The following DLG2 variants were observed in gnomAD, a reference collection of about 807,000 sequenced individuals.
DLG2 encodes discs large MAGUK scaffold protein 2.
Under a neutral mutation model 132.5 loss-of-function variants are expected in DLG2, and 45 were observed. That is an observed-to-expected ratio of 0.34 (90% CI 0.27 to 0.44). The LOEUF (loss-of-function observed/expected upper bound fraction) is 0.44. DLG2 is among the 20% of genes least tolerant of loss of function. The probability of loss-of-function intolerance (pLI) is 1.00; values close to 1 mark genes in which losing one functional copy is unlikely to be tolerated. For missense variants in DLG2, 1,045 were observed against 1,196.9 expected (o/e 0.87, Z 1.87); for synonymous variants, 424 against 419.6 (o/e 1.01, Z -0.13).
At position 84,185,474 on chromosome 11, in the gene DLG2, G is replaced by C. The variant is rs184710968; in HGVS notation, c.574-21963C>G. Among the ~76,000 whole-genome samples, 348 of 152,274 alleles carry C rather than the reference G, an allele frequency of 2.3e-3. 1 individual carries two copies. The East Asian group carries it at 0.028, about 12-fold the overall frequency. On this transcript the variant is annotated intron_variant, in intron 8 of 27. Transcript: ENST00000376104. ...TATCAGCTTAAGGAGATTTTGGGCT[G>C]AGACGACGGGGTTTTCTAGATATAC...
chr11:84,171,794 G>A (rs911062905), intron 8 of DLG2, among the ~76,000 whole-genome samples: 3 of 152,122 alleles, frequency 2.0e-5, no homozygotes, highest in African/African-American at 2.4e-5. Flanking sequence ...AATCAGTTGA[G>A]TGCTGAAAAA....
At chr11:84,964,670 T>C (rs922131380) in intron 6 of DLG2, among the ~76,000 whole-genome samples, 6 of 152,120 alleles carry the variant, frequency 3.9e-5, no homozygotes, top group Non-Finnish European at 1.5e-5. Flanking sequence ...GGCACTGATG[T>C]AAAAATATTC....
rs865902226 is a variant in DLG2, at chr11:83,874,587, G to T, written c.1497-99C>A. The T allele has an allele frequency of 2.4e-5, 21 of 875,242 alleles. No homozygotes were observed. The South Asian group carries it at 4.5e-4, about 19-fold the overall frequency. The allele number at this position is 875,242 out of a possible 1,614,324, so 54.2% of individuals were successfully genotyped here. A position where few individuals can be genotyped will look rare whatever the true frequency, so the allele number is the denominator to read the frequency against. ...GTTTTAGGGTACATGTGCACAACGT[G>T]CAGGTTAGTTACATATGTATACATG... On this transcript the variant is annotated intron_variant, in intron 15 of 27. Transcript: ENST00000376104.
At chr11:84,126,724 G>A (rs533878293) in intron 9 of DLG2, among the ~76,000 whole-genome samples, 1 of 152,244 alleles carries the variant, frequency 6.6e-6, no homozygotes, top group East Asian at 1.9e-4. Context: ...AACTGGCAAA[G>A]ATAAAAATTA....
At position 84,831,992 on chromosome 11, in the gene DLG2, C is replaced by G. The variant is rs79025029; in HGVS notation, c.357+279669G>C. 4.2e-3 allele frequency among the ~76,000 whole-genome samples: 637 copies of G among 151,696 alleles called. 4 individuals carry two copies. Among genetic ancestry groups the G allele is most frequent in the African/African-American group, 0.014 (601 of 41,476 alleles). ...CAGGTACTGTTCAAGTTCCTAAGAACTGCAGGAAATAAAAAGTATTGTGGC... is the reference window on the plus strand; with the variant it reads ...CAGGTACTGTTCAAGTTCCTAAGAAGTGCAGGAAATAAAAAGTATTGTGGC... On this transcript the variant is annotated intron_variant, in intron 6 of 27. Transcript: ENST00000376104.
intron 6 of DLG2, among the ~76,000 whole-genome samples, chr11:84,792,891 T>C (rs2074065806): frequency 6.6e-6 from 1 of 152,120 alleles, no homozygotes; most frequent in Non-Finnish European, 1.5e-5. Context: ...TCTTTTGCAT[T>C]GTTTTCTTTG....
intron 7 of DLG2, among the ~76,000 whole-genome samples, chr11:84,361,505 T>C (rs527858547): frequency 9.0e-4 from 137 of 152,088 alleles, no homozygotes; most frequent in Non-Finnish European, 1.2e-3. Context: ...GGACAAAATC[T>C]TATAATATTC....
chr11:85,007,816 C>T (rs2058824109), intron 6 of DLG2, among the ~76,000 whole-genome samples: 1 of 151,966 alleles, frequency 6.6e-6, no homozygotes, highest in East Asian at 1.9e-4. Context: ...GATTGTTAGA[C>T]CACCCTCTTT....
intron 4 of DLG2, among the ~76,000 whole-genome samples, chr11:85,236,476 T>C (rs1228747606): frequency 2.6e-5 from 4 of 152,008 alleles, no homozygotes. Context: ...TGGTGTATCT[T>C]CTTATAAGGA....
chr11:85,235,187 TAGCTGCAATTAATAATTCATTTCA>T (rs1358605031), intron 4 of DLG2, among the ~76,000 whole-genome samples: 1 of 151,914 alleles, frequency 6.6e-6, no homozygotes, highest in Non-Finnish European at 1.5e-5. Flanking sequence ...ATGAAGTCAT[TAGCTGCAATTAATAATTCATTTCA>T]AAAGTTTACA....
intron 7 of DLG2, among the ~76,000 whole-genome samples, chr11:84,522,903 G>C (rs2099308876): frequency 6.6e-6 from 1 of 152,128 alleles, no homozygotes; most frequent in Admixed American, 6.5e-5. Flanking sequence ...TCAAAAGAAA[G>C]CCATTTCTTT....
intron 18 of DLG2, among the ~76,000 whole-genome samples, chr11:83,668,311 C>G (rs2153566698): frequency 6.6e-6 from 1 of 152,284 alleles, no homozygotes; most frequent in African/African-American, 2.4e-5. Context: ...CCTCTCCAGG[C>G]TCATCTACCA....
intron 9 of DLG2, among the ~76,000 whole-genome samples, chr11:84,156,158 A>G (rs1384521467): frequency 6.6e-6 from 1 of 152,158 alleles, no homozygotes; most frequent in East Asian, 1.9e-4. Flanking sequence ...CTAGAGTATA[A>G]TTCCACAAAT....
chr11:84,530,120 T>G (rs1315067424), intron 7 of DLG2, among the ~76,000 whole-genome samples: 1 of 152,150 alleles, frequency 6.6e-6, no homozygotes, highest in African/African-American at 2.4e-5. Context: ...ACCCCTTCCT[T>G]ATACCACGTA....
chr11:84,496,888 T>G (rs2154500712), intron 7 of DLG2, among the ~76,000 whole-genome samples: 1 of 152,270 alleles, frequency 6.6e-6, no homozygotes, highest in South Asian at 2.1e-4. Flanking sequence ...AATTTTTGAA[T>G]GAAGGAATAT....
chr11:85,279,961 A>G (rs971044873), intron 4 of DLG2, among the ~76,000 whole-genome samples: 3 of 152,128 alleles, frequency 2.0e-5, no homozygotes, highest in Non-Finnish European at 4.4e-5. Context: ...AGATTTTCTT[A>G]TATTCACATA....
At chr11:84,714,420 G>T (rs912404479) in intron 6 of DLG2, among the ~76,000 whole-genome samples, 1 of 152,062 alleles carries the variant, frequency 6.6e-6, no homozygotes, top group Non-Finnish European at 1.5e-5. Flanking sequence ...GGTGGAGAAA[G>T]GCAGAAGGTT....
At chr11:84,060,043 TG>T (rs763502725) in intron 10 of DLG2, among the ~76,000 whole-genome samples, 5 of 152,276 alleles carry the variant, frequency 3.3e-5, no homozygotes, top group South Asian at 2.1e-4. Context: ...TTGGGCGCAG[TG>T]GCTCATGCCT....
intron 6 of DLG2, among the ~76,000 whole-genome samples, chr11:84,960,159 G>A (rs2052341801): frequency 1.3e-5 from 2 of 152,160 alleles, no homozygotes; most frequent in South Asian, 4.1e-4. Flanking sequence ...GCAAAGTGGG[G>A]ATTTGAACCT....
Sources: gnomAD v4.1 joint callset for allele counts (sites outside exome capture counted in the v4.1 genomes callset) on GRCh38, gnomAD v4.1.1 for gene constraint, MANE v1.5 for transcripts, NCBI Gene and HGNC (gene_info 2026-07-23, HGNC 2026-07-21) for gene names.